The following MBNL1 variants were observed in gnomAD, a reference collection of about 807,000 sequenced individuals.
MBNL1 encodes the protein muscleblind like splicing regulator 1.
A neutral mutation model predicts 42.2 loss-of-function variants in MBNL1; 8 were observed. That is an observed-to-expected ratio of 0.19 (90% CI 0.11 to 0.34). MBNL1 has a LOEUF of 0.34. MBNL1 is among the 10% of genes least tolerant of loss of function. The pLI is 1.00. For synonymous variants in MBNL1, 169 were observed against 173.9 expected, an observed-to-expected ratio of 0.97 and a Z score of 0.22; for missense variants, 309 against 495.3, an observed-to-expected ratio of 0.62 and a Z score of 3.57.
In MBNL1 at chr3:152,465,060, C is replaced by T. The variant is rs1425565040; in HGVS notation, c.*2694C>T. On this transcript the variant is annotated 3_prime_UTR_variant, in exon 10 of 10. Transcript: ENST00000324210. ...GGAAAGATACGCCATCCTTTCAAAC[C>T]CTCATGACTGACAAAAACTCCATGG... is the stretch of plus-strand genomic sequence containing the variant. 1 of 152,518 alleles carries T rather than the reference C, an allele frequency of 6.6e-6. No individual in the cohort carries two copies. The highest frequency in any genetic ancestry group is 1.5e-5 in the Non-Finnish European group (1 of 68,022). The allele number at this position is 152,518 out of a possible 1,614,324, so 9.4% of individuals were successfully genotyped here.
At chr3:152,289,821 T>C (rs577496879) in intron 1 of MBNL1, among the ~76,000 whole-genome samples, 282 of 152,174 alleles carry the variant, frequency 1.9e-3, no homozygotes, top group Non-Finnish European at 3.2e-3. Context: ...ATAAGAAATA[T>C]GTTAGTGAAA....
chr3:152,415,730 A>G (rs2098688970), intron 3 of MBNL1, among the ~76,000 whole-genome samples: 1 of 152,202 alleles, frequency 6.6e-6, no homozygotes, highest in African/African-American at 2.4e-5. Flanking sequence ...TAAAGTTGAA[A>G]AACTGGGTGG....
chr3:152,251,591 T>G (rs1222979715), intron 2 of MBNL1, among the ~76,000 whole-genome samples: 1 of 152,034 alleles, frequency 6.6e-6, no homozygotes, highest in Non-Finnish European at 1.5e-5. Flanking sequence ...TTATGGCATA[T>G]TCACTCTTTT....
intron 2 of MBNL1, among the ~76,000 whole-genome samples, chr3:152,328,484 T>G (rs1323638423): frequency 6.6e-6 from 1 of 152,174 alleles, no homozygotes; most frequent in African/African-American, 2.4e-5. Context: ...TTACTCATGT[T>G]TAGATAATGT....
At chr3:152,312,951 C>T (rs968733626) in intron 2 of MBNL1, among the ~76,000 whole-genome samples, 2 of 151,968 alleles carry the variant, frequency 1.3e-5, no homozygotes, top group South Asian at 4.1e-4. Flanking sequence ...CCCAGTGTCA[C>T]GTTTAGAATT....
chr3:152,445,152 C>A, intron 4 of MBNL1, 130 bp from the exon 5 acceptor site: 1 of 699,464 alleles, frequency 1.4e-6, no homozygotes, highest in Non-Finnish European at 2.4e-6. Context: ...TACTTGTTGC[C>A]TTGTTTGAAA....
intron 6 of MBNL1, among the ~76,000 whole-genome samples, chr3:152,448,812 G>A (rs1214743495): frequency 6.6e-6 from 1 of 152,064 alleles, no homozygotes; most frequent in East Asian, 1.9e-4. Flanking sequence ...GTTTTATACA[G>A]TACATATTTG....
intron 2 of MBNL1, among the ~76,000 whole-genome samples, chr3:152,319,519 G>GACAGATGA (rs937478437): frequency 6.6e-6 from 1 of 151,156 alleles, no homozygotes; most frequent in African/African-American, 2.4e-5. Flanking sequence ...TGACACACCT[G>GACAGATGA]ACAGATGAAA....
intron 2 of MBNL1, among the ~76,000 whole-genome samples, chr3:152,355,630 A>G (rs989750917): frequency 1.3e-5 from 2 of 152,214 alleles, no homozygotes; most frequent in African/African-American, 4.8e-5. Flanking sequence ...TATTTTTACA[A>G]TTAGAAAAGT....
chr3:152,418,907 G>A (rs931924791), intron 3 of MBNL1, among the ~76,000 whole-genome samples: 11 of 151,748 alleles, frequency 7.2e-5, no homozygotes, highest in African/African-American at 1.9e-4. Context: ...TTGTAGAGGC[G>A]GGGTTTCACT....
At chr3:152,455,482 G>C in intron 6 of MBNL1, 60 bp from the exon 7 acceptor site, 1 of 1,323,420 alleles carries the variant, frequency 7.6e-7, no homozygotes, top group Non-Finnish European at 1.1e-6. Flanking sequence ...CGTGTGATGG[G>C]ATGTTTTAAT....
chr3:152,286,414 AT>A (rs1577146501), intron 1 of MBNL1, among the ~76,000 whole-genome samples: 1 of 120,656 alleles, frequency 8.3e-6, no homozygotes, highest in South Asian at 2.3e-4. Flanking sequence ...ATAAATATTT[AT>A]ATTTTATTTA....
chr3:152,296,897 A>G (rs576034607), intron 1 of MBNL1, among the ~76,000 whole-genome samples: 15 of 152,192 alleles, frequency 9.9e-5, no homozygotes, highest in Non-Finnish European at 1.8e-4. Context: ...GATGAATAAT[A>G]TATTTTTTCT....
chr3:152,442,802 C>G (rs1050733312), intron 4 of MBNL1, among the ~76,000 whole-genome samples: 10 of 152,152 alleles, frequency 6.6e-5, no homozygotes, highest in Non-Finnish European at 1.0e-4. Flanking sequence ...AGATGCATAT[C>G]TAATGCTTGG....
chr3:152,431,873 T>C (rs1267721735), intron 3 of MBNL1, among the ~76,000 whole-genome samples: 1 of 152,250 alleles, frequency 6.6e-6, no homozygotes, highest in Admixed American at 6.5e-5. Flanking sequence ...AGAACAAATA[T>C]ATTTTATGAT....
chr3:152,257,618 C>A (rs1456914317), intron 2 of MBNL1, among the ~76,000 whole-genome samples: 1 of 152,088 alleles, frequency 6.6e-6, no homozygotes, highest in Non-Finnish European at 1.5e-5. Context: ...ATTATTTTCT[C>A]CTCTTAAAAT....
rs1294626656 is a variant in MBNL1 at position 152,312,923 on chromosome 3, A to G, written c.174+12556A>G. 2.0e-5 allele frequency among the ~76,000 whole-genome samples: 3 copies of G among 150,032 alleles called. No individual in the cohort carries two copies. The East Asian group carries it at 5.8e-4, about 29-fold the overall frequency. The stretch of plus-strand genomic sequence containing the variant: ...CAGGAATAATGACAATGTGACTACC[A>G]GTGGTTTTCACTTCATTCCCAGTGT... On this transcript the variant is annotated intron_variant, in intron 2 of 9. Transcript: ENST00000324210.
intron 1 of MBNL1, among the ~76,000 whole-genome samples, chr3:152,297,856 A>G (rs766928556): frequency 6.6e-6 from 1 of 151,942 alleles, no homozygotes; most frequent in Non-Finnish European, 1.5e-5. Flanking sequence ...GGGTTTTACC[A>G]TGTTGGCCAG....
chr3:152,309,484 C>T (rs978645915), intron 2 of MBNL1, among the ~76,000 whole-genome samples: 5 of 152,208 alleles, frequency 3.3e-5, no homozygotes, highest in African/African-American at 4.8e-5. Flanking sequence ...AAAAATCAGA[C>T]CTAGTGCGTA....
Sources: gnomAD v4.1 joint callset for allele counts (sites outside exome capture counted in the v4.1 genomes callset) on GRCh38, gnomAD v4.1.1 for gene constraint, MANE v1.5 for transcripts, NCBI Gene and HGNC (gene_info 2026-07-23, HGNC 2026-07-21) for gene names.